Variants in DOCK4 observed in about 807,000 individuals in gnomAD.
DOCK4 encodes dedicator of cytokinesis protein 4.
DOCK4 carries 97 observed loss-of-function variants against 268.1 expected under a neutral mutation model. The observed-to-expected ratio is 0.36, with a 90% CI of 0.31 to 0.43. The LOEUF (loss-of-function observed/expected upper bound fraction) is 0.43. DOCK4 is among the 20% of genes least tolerant of loss of function. The probability of loss-of-function intolerance (pLI) is 1.00; values close to 1 mark genes in which losing one functional copy is unlikely to be tolerated. For missense variants in DOCK4, 2,145 were observed against 2,455.7 expected (o/e 0.87, Z 2.67); for synonymous variants, 954 against 887.2 (o/e 1.08, Z -1.34).
At chr7:112,024,196 T>C (rs559910884) in intron 1 of DOCK4, among the ~76,000 whole-genome samples, 1 of 152,330 alleles carries the variant, frequency 6.6e-6, no homozygotes, top group East Asian at 1.9e-4. Flanking sequence ...AAAAATGTAA[T>C]GATTATACTG....
chr7:112,017,076 A>G (rs1395863692), intron 1 of DOCK4, among the ~76,000 whole-genome samples: 1 of 152,168 alleles, frequency 6.6e-6, no homozygotes, highest in Non-Finnish European at 1.5e-5. Context: ...AATCTAGATA[A>G]AATTATATAT....
intron 1 of DOCK4, among the ~76,000 whole-genome samples, chr7:112,076,394 T>A (rs1265376779): frequency 6.6e-6 from 1 of 152,076 alleles, no homozygotes; most frequent in Non-Finnish European, 1.5e-5. Context: ...AATGTTAAAT[T>A]TTTTGGAACC....
At chr7:112,165,349 CT>C (rs1817495849) in intron 1 of DOCK4, among the ~76,000 whole-genome samples, 1 of 134,858 alleles carries the variant, frequency 7.4e-6, no homozygotes, top group Non-Finnish European at 1.5e-5. Context: ...TCCTATCTAT[CT>C]ATCTTTCCAT....
chr7:111,983,886 A>ACACACACACT (rs1450948046), intron 7 of DOCK4, among the ~76,000 whole-genome samples: 3 of 150,732 alleles, frequency 2.0e-5, no homozygotes, highest in African/African-American at 7.4e-5. Flanking sequence ...ACACACACAC[A>ACACACACACT]CTATATGTAT....
chr7:111,946,328 G>A (rs1422326464), intron 8 of DOCK4, among the ~76,000 whole-genome samples: 2 of 152,242 alleles, frequency 1.3e-5, no homozygotes, highest in South Asian at 2.1e-4. Flanking sequence ...ACGAACAGAA[G>A]ATCTCAAACT....
In DOCK4 at chr7:112,022,113, T is replaced by C. The variant is rs184296863; in HGVS notation, c.38-17982A>G. 5.5e-3 allele frequency among the ~76,000 whole-genome samples: 844 copies of C among 152,328 alleles called. 5 individuals carry two copies. Among genetic ancestry groups the C allele is most frequent in the Middle Eastern group, 0.014 (4 of 294 alleles). On this transcript the variant is annotated intron_variant, in intron 1 of 52. Coordinates refer to ENST00000428084, the MANE Select transcript of DOCK4 (RefSeq NM_001363540.2). ...AACAGAAAGGTTTACCTTTTCCCCT[T>C]CACATGCAATCTCCTCTGTCTCTAT...
intron 16 of DOCK4, among the ~76,000 whole-genome samples, chr7:111,888,961 C>A (rs779559147): frequency 1.3e-5 from 2 of 152,190 alleles, no homozygotes; most frequent in Middle Eastern, 3.4e-3. Flanking sequence ...AGCAGCTATA[C>A]AGGAAGCCCT....
intron 10 of DOCK4, 59 bp from the exon 11 acceptor site, chr7:111,940,301 G>A: frequency 1.9e-6 from 3 of 1,607,758 alleles, no homozygotes; most frequent in Non-Finnish European, 2.6e-6. Flanking sequence ...TGCATCTTAG[G>A]TAGCGAAACA....
At chr7:111,763,515 G>C (rs976679823) in intron 39 of DOCK4, among the ~76,000 whole-genome samples, 4 of 152,190 alleles carry the variant, frequency 2.6e-5, no homozygotes, top group Non-Finnish European at 5.9e-5. Context: ...TGCTAATGCA[G>C]TTTTCCAATT....
At chr7:112,200,706 A>G (rs1820829959) in intron 1 of DOCK4, among the ~76,000 whole-genome samples, 1 of 147,020 alleles carries the variant, frequency 6.8e-6, no homozygotes, top group African/African-American at 2.5e-5. Context: ...CGTACTAGCT[A>G]CCATAACAGC....
intron 27 of DOCK4, among the ~76,000 whole-genome samples, chr7:111,816,445 G>A (rs1427768180): frequency 6.6e-6 from 1 of 152,172 alleles, no homozygotes; most frequent in African/African-American, 2.4e-5. Context: ...TAAACGAGTG[G>A]TTCTCAAACT....
At chr7:111,856,802 AT>A (rs1805049466) in intron 23 of DOCK4, among the ~76,000 whole-genome samples, 1 of 152,172 alleles carries the variant, frequency 6.6e-6, no homozygotes, top group South Asian at 2.1e-4. Context: ...AACACTAATG[AT>A]TTTTAGCCAA....
chr7:111,992,633 TTG>T (rs1197848406), intron 5 of DOCK4, among the ~76,000 whole-genome samples: 2 of 152,152 alleles, frequency 1.3e-5, no homozygotes, highest in Admixed American at 6.5e-5. Flanking sequence ...AAACAGACAT[TTG>T]AAACCTCGAA....
At chr7:111,951,042 T>C (rs1283723707) in intron 8 of DOCK4, among the ~76,000 whole-genome samples, 1 of 152,216 alleles carries the variant, frequency 6.6e-6, no homozygotes, top group African/African-American at 2.4e-5. Flanking sequence ...AGGAGAAATT[T>C]AGTGTCCACC....
chr7:111,899,639 G>A (rs1017024943), intron 15 of DOCK4, among the ~76,000 whole-genome samples: 1 of 152,218 alleles, frequency 6.6e-6, no homozygotes, highest in Non-Finnish European at 1.5e-5. Flanking sequence ...TCTGTAAAAT[G>A]AGGCCGGGTG....
intron 1 of DOCK4, among the ~76,000 whole-genome samples, chr7:112,011,881 G>A (rs1801356797): frequency 6.7e-6 from 1 of 149,496 alleles, no homozygotes; most frequent in Admixed American, 6.7e-5. Context: ...CATCCTAGAT[G>A]AGATGAGAGA....
At chr7:112,172,496 C>T (rs993759893) in intron 1 of DOCK4, among the ~76,000 whole-genome samples, 1 of 152,144 alleles carries the variant, frequency 6.6e-6, no homozygotes, top group Non-Finnish European at 1.5e-5. Context: ...TTTCCACTTC[C>T]TTTGTATCAA....
chr7:111,949,309 C>T (rs1795869728), intron 8 of DOCK4, among the ~76,000 whole-genome samples: 1 of 152,166 alleles, frequency 6.6e-6, no homozygotes, highest in Non-Finnish European at 1.5e-5. Context: ...AAAACCTTAA[C>T]TTTAACACTG....
intron 1 of DOCK4, among the ~76,000 whole-genome samples, chr7:112,088,748 C>T (rs1214360843): frequency 2.0e-5 from 3 of 152,118 alleles, no homozygotes; most frequent in African/African-American, 4.8e-5. Flanking sequence ...AGTTGCACTG[C>T]TGAGAATGTA....
Sources: allele counts gnomAD v4.1 joint callset (sites outside exome capture counted in the v4.1 genomes callset), GRCh38; gene constraint gnomAD v4.1.1; transcripts MANE v1.5; gene names NCBI Gene and HGNC (gene_info 2026-07-23, HGNC 2026-07-21).